The following PDS5A variants were observed in gnomAD, a reference collection of about 807,000 sequenced individuals.
PDS5A encodes PDS5 cohesin associated factor A.
A neutral mutation model predicts 167.1 loss-of-function variants in PDS5A; 42 were observed. That is an observed-to-expected ratio of 0.25 (90% confidence interval 0.20 to 0.33). The LOEUF is 0.33. Ranked by LOEUF, PDS5A falls within the 10% of genes least tolerant of loss-of-function variation. The probability of loss-of-function intolerance (pLI) is 1.00; values close to 1 mark genes in which losing one functional copy is unlikely to be tolerated. For missense variants in PDS5A, 1,033 were observed against 1,605.9 expected (o/e 0.64, Z 6.10); for synonymous variants, 553 against 554.6 (o/e 1.00, Z 0.04).
intron 16 of PDS5A, among the ~76,000 whole-genome samples, chr4:39,896,650 C>T (rs1274661465): frequency 2.0e-5 from 3 of 151,670 alleles, no homozygotes; most frequent in African/African-American, 7.3e-5. Context: ...CCTATAGTCC[C>T]AGCTACTCAG....
intron 26 of PDS5A, among the ~76,000 whole-genome samples, chr4:39,860,997 C>G (rs1238320127): frequency 6.6e-6 from 1 of 150,580 alleles, no homozygotes; most frequent in Non-Finnish European, 1.5e-5. Context: ...CCCAGGAGGT[C>G]AAGGTACAAT....
intron 16 of PDS5A, among the ~76,000 whole-genome samples, chr4:39,895,485 T>G (rs1308552065): frequency 2.6e-5 from 4 of 152,120 alleles, no homozygotes; most frequent in Non-Finnish European, 4.4e-5. Flanking sequence ...CACCTACATA[T>G]AGAGCACTTA....
At chr4:39,922,864 T>A (rs562110774) in intron 5 of PDS5A, 116 bp from the exon 6 acceptor site, 1 of 1,230,776 alleles carries the variant, frequency 8.1e-7, no homozygotes, top group East Asian at 2.7e-5. Flanking sequence ...TGTAAAGGAT[T>A]TTCACTTGAG....
rs768784889 is a variant in PDS5A, at chr4:39,844,686, T to C, written c.3518A>G (p.Glu1173Gly). The C allele has an allele frequency of 6.2e-7, 1 of 1,612,716 alleles. No homozygotes were observed. The highest frequency in any genetic ancestry group is 1.3e-5 in the African/African-American group (1 of 74,934). ...TCGATTTCCGGTTGAAGGGTTCAGCTCTGAATTTACATTAATATTGCTTCC... is the reference window on the plus strand; with the variant it reads ...TCGATTTCCGGTTGAAGGGTTCAGCCCTGAATTTACATTAATATTGCTTCC... ...ETGSNINVNS[E>G]LNPSTGNRSR... Residue 1173 changes from glutamate to glycine, a missense_variant, in exon 30 of 33, where the codon GAG becomes GGG. Physicochemically the swap from Glu to Gly is moderately conservative, Grantham distance 98. Transcript: ENST00000303538.
intron 2 of PDS5A, among the ~76,000 whole-genome samples, chr4:39,972,317 C>T (rs989919592): frequency 3.9e-5 from 6 of 151,954 alleles, no homozygotes; most frequent in Non-Finnish European, 8.8e-5. Context: ...GTCAAGAGTT[C>T]GAGACCAGCC....
intron 16 of PDS5A, among the ~76,000 whole-genome samples, chr4:39,895,584 T>TA (rs1442871243): frequency 6.6e-6 from 1 of 152,224 alleles, no homozygotes; most frequent in Non-Finnish European, 1.5e-5. Context: ...GACATTACAG[T>TA]ACACTACTGT....
At chr4:39,971,402 C>T (rs536735179) in intron 2 of PDS5A, among the ~76,000 whole-genome samples, 81 of 152,078 alleles carry the variant, frequency 5.3e-4, no homozygotes, top group African/African-American at 2.0e-3. Context: ...ATGATCCACC[C>T]GCCTCGGCCT....
intron 32 of PDS5A, among the ~76,000 whole-genome samples, chr4:39,829,360 A>G (rs942629733): frequency 3.3e-5 from 5 of 152,178 alleles, no homozygotes; most frequent in Non-Finnish European, 7.4e-5. Context: ...CAGTCAAAAC[A>G]TCAGCTGAGG....
chr4:39,939,532 C>T (rs187168324), intron 2 of PDS5A, among the ~76,000 whole-genome samples: 149 of 151,802 alleles, frequency 9.8e-4, no homozygotes, highest in Middle Eastern at 3.5e-3. Flanking sequence ...AAGTGGCTCA[C>T]GCCTTAATTC....
At chr4:39,831,608 T>C (rs1401278379) in intron 32 of PDS5A, among the ~76,000 whole-genome samples, 1 of 151,776 alleles carries the variant, frequency 6.6e-6, no homozygotes, top group Non-Finnish European at 1.5e-5. Context: ...ATGGGTGCGA[T>C]GGCTCACGCC....
chr4:39,874,187 C>T (rs1720281490), intron 20 of PDS5A, 102 bp downstream of exon 20: 1 of 906,568 alleles, frequency 1.1e-6, no homozygotes, highest in Non-Finnish European at 1.7e-6. Context: ...TAAGGTAGGA[C>T]TTCATATAAA....
At chr4:39,918,486 T>C (rs552391132) in intron 7 of PDS5A, among the ~76,000 whole-genome samples, 15 of 152,228 alleles carry the variant, frequency 9.9e-5, no homozygotes, top group Non-Finnish European at 1.6e-4. Context: ...TCAGGGGCAA[T>C]TGTATGCAAC....
In PDS5A at chr4:39,895,643, T is replaced by C. The variant is rs992040337; in HGVS notation, c.1770+2746A>G. On this transcript the variant is annotated intron_variant, in intron 16 of 32. Transcript: ENST00000303538. ...TAGGCAGCACGATATTTAAACACTTTTTCTTTCTTCAATGATAAATTATCC... is the reference window on the plus strand; with the variant it reads ...TAGGCAGCACGATATTTAAACACTTCTTCTTTCTTCAATGATAAATTATCC... Among the ~76,000 whole-genome samples, 8 of 152,296 alleles carry C rather than the reference T, an allele frequency of 5.3e-5. No individual in the cohort carries two copies. In the East Asian group the frequency reaches 1.5e-3, roughly 29 times the overall value.
intron 17 of PDS5A, among the ~76,000 whole-genome samples, chr4:39,887,867 T>C (rs956995173): frequency 1.2e-4 from 16 of 138,622 alleles, no homozygotes; most frequent in Non-Finnish European, 1.4e-4. Flanking sequence ...TTCAAACAAC[T>C]CAATAGCAAA....
chr4:39,839,500 C>A (rs186219159), intron 31 of PDS5A, among the ~76,000 whole-genome samples: 2 of 151,796 alleles, frequency 1.3e-5, no homozygotes, highest in Non-Finnish European at 2.9e-5. Flanking sequence ...ACCCAGGAGG[C>A]GGAGGTTGCA....
chr4:39,902,522 ATTTTTTT>A (rs199900186), intron 12 of PDS5A, 62 bp from the exon 13 acceptor site: 8 of 597,784 alleles, frequency 1.3e-5, no homozygotes, highest in Non-Finnish European at 2.2e-5. Context: ...TTAAGAAGCA[ATTTTTTT>A]TTTTTTTTTT....
At chr4:39,877,737 GCTGAGA>G in intron 18 of PDS5A, among the ~76,000 whole-genome samples, 1 of 151,914 alleles carries the variant, frequency 6.6e-6, no homozygotes, top group Non-Finnish European at 1.5e-5. Flanking sequence ...AGTCTCCTGA[GCTGAGA>G]CTACAGGTGC....
At chr4:39,975,859 T>C (rs934333854) in intron 2 of PDS5A, among the ~76,000 whole-genome samples, 3 of 152,170 alleles carry the variant, frequency 2.0e-5, no homozygotes, top group Non-Finnish European at 4.4e-5. Context: ...AACCTTAACC[T>C]TAGGACTGCC....
At chr4:39,899,511 A>G (rs1012749176) in intron 14 of PDS5A, among the ~76,000 whole-genome samples, 2 of 152,154 alleles carry the variant, frequency 1.3e-5, no homozygotes, top group African/African-American at 4.8e-5. Context: ...CACAGACTCT[A>G]TGCCTTGCAA....
Sources: allele counts gnomAD v4.1 joint callset (sites outside exome capture counted in the v4.1 genomes callset), GRCh38; gene constraint gnomAD v4.1.1; transcripts MANE v1.5; gene names NCBI Gene and HGNC (gene_info 2026-07-23, HGNC 2026-07-21).